The following AGK variants were observed in gnomAD, a reference collection of about 807,000 sequenced individuals.
AGK encodes acylglycerol kinase.
Under a neutral mutation model 66.4 loss-of-function variants are expected in AGK, and 52 were observed. That is an observed-to-expected ratio of 0.78 (90% CI 0.63 to 0.99). AGK has a LOEUF of 0.99. Ranked by LOEUF, AGK falls within the 50% of genes least tolerant of loss-of-function variation. The pLI is 0.00. For synonymous variants in AGK, 182 were observed against 181.1 expected (o/e 1.00, Z -0.04); for missense variants, 451 against 506.6 (o/e 0.89, Z 1.05).
chr7:141,593,288 G>T (rs757672494), intron 3 of AGK, 103 bp downstream of exon 3: 1 of 1,051,820 alleles, frequency 9.5e-7, no homozygotes, highest in Admixed American at 1.8e-5. Flanking sequence ...CATCTGTGCA[G>T]TCTGGCTATT....
At position 141,631,891 on chromosome 7, in the gene AGK, T is replaced by C. The variant is rs539949901; in HGVS notation, c.589-2010T>C. On this transcript the variant is annotated intron_variant, in intron 9 of 15. Coordinates refer to ENST00000649286, the MANE Select transcript of AGK (RefSeq NM_018238.4). The stretch of plus-strand genomic sequence containing the variant: ...ATTTCTCATGTACTTCAGGTCTCTG[T>C]TCAAATGTTAGTGCATCATTGATAT... Among the ~76,000 whole-genome samples, 393 of 152,276 alleles carry C rather than the reference T, an allele frequency of 2.6e-3. 2 individuals are homozygous for C. Among genetic ancestry groups the C allele is most frequent in the South Asian group, 0.012 (58 of 4,824 alleles).
At chr7:141,599,698 A>G (rs1796302412) in intron 4 of AGK, among the ~76,000 whole-genome samples, 1 of 152,196 alleles carries the variant, frequency 6.6e-6, no homozygotes, top group Non-Finnish European at 1.5e-5. Context: ...CAACCCTGGA[A>G]GGAGAATTGT....
At chr7:141,589,026 C>CGCCCT (rs1469694431) in intron 2 of AGK, among the ~76,000 whole-genome samples, 1 of 152,046 alleles carries the variant, frequency 6.6e-6, no homozygotes, top group African/African-American at 2.4e-5. Context: ...TATCATATGC[C>CGCCCT]GCCCTCCTAT....
At chr7:141,633,194 A>G (rs898289494) in intron 9 of AGK, among the ~76,000 whole-genome samples, 1 of 152,158 alleles carries the variant, frequency 6.6e-6, no homozygotes, top group South Asian at 2.1e-4. Flanking sequence ...TAGACTTTAG[A>G]TGAAATTCTG....
rs1268609448 is a variant in AGK at position 141,653,716 on chromosome 7, G to A, written c.*792G>A. Reference sequence around the variant, plus strand: ...AAAGCAGTAGTCCACAAAGTATTCTGCTCATGTGCCCCCAAAAGTATTTTG... The same window carrying A: ...AAAGCAGTAGTCCACAAAGTATTCTACTCATGTGCCCCCAAAAGTATTTTG... On this transcript the variant is annotated 3_prime_UTR_variant, in exon 16 of 16. Coordinates refer to ENST00000649286, the MANE Select transcript of AGK (RefSeq NM_018238.4). 6.6e-6 allele frequency: 1 copy of A among 152,100 alleles called. No homozygotes were observed. 9.4% of individuals were successfully genotyped at this position (152,100 alleles called of 1,614,324 possible).
At chr7:141,609,192 G>A (rs1232736151) in intron 5 of AGK, among the ~76,000 whole-genome samples, 1 of 152,090 alleles carries the variant, frequency 6.6e-6, no homozygotes, top group African/African-American at 2.4e-5. Flanking sequence ...TCTTGCACTA[G>A]TTGGATGTCC....
intron 11 of AGK, 52 bp from the exon 12 acceptor site, chr7:141,641,196 C>T (rs1300101547): frequency 6.5e-7 from 1 of 1,544,536 alleles, no homozygotes; most frequent in East Asian, 2.3e-5. Context: ...GAGAAACTCC[C>T]AGAGTGGAAT....
intron 1 of AGK, among the ~76,000 whole-genome samples, chr7:141,551,761 A>T (rs918453006): frequency 3.9e-5 from 6 of 152,168 alleles, no homozygotes; most frequent in Non-Finnish European, 8.8e-5. Flanking sequence ...CTTGGGCTTC[A>T]GCATAGCCCT....
At chr7:141,567,049 A>G (rs1325075368) in intron 2 of AGK, among the ~76,000 whole-genome samples, 1 of 152,094 alleles carries the variant, frequency 6.6e-6, no homozygotes, top group African/African-American at 2.4e-5. Flanking sequence ...AATTAAAGGG[A>G]TACTTTTCAT....
intron 2 of AGK, among the ~76,000 whole-genome samples, chr7:141,556,718 A>G (rs1342227054): frequency 6.6e-6 from 1 of 152,158 alleles, no homozygotes; most frequent in Non-Finnish European, 1.5e-5. Context: ...ATTTCTTACT[A>G]TAGTCTCTTG....
chr7:141,577,175 C>T (rs544224906), intron 2 of AGK, among the ~76,000 whole-genome samples: 6 of 152,186 alleles, frequency 3.9e-5, no homozygotes, highest in South Asian at 2.1e-4. Flanking sequence ...GGAAGAGTAG[C>T]GGTGAGAGGG....
At position 141,611,270 on chromosome 7, in the gene AGK, G is replaced by C. The variant is rs772533888; in HGVS notation, c.373G>C (p.Asp125His). 12 of 1,612,768 alleles carry C rather than the reference G, an allele frequency of 7.4e-6. No homozygotes were observed. The Admixed American group carries it at 1.8e-4, about 25-fold the overall frequency. The change falls in exon 6 of 16, where the codon GAT (aspartate) becomes CAT (histidine). Residue 125 changes from aspartate to histidine, a missense_variant. By Grantham distance (81) the Asp-to-His change is moderately conservative. Coordinates refer to ENST00000649286, the MANE Select transcript of AGK (RefSeq NM_018238.4). ...GGATGTGATCATTGTTGCAGGAGGAGATGGGACACTGCAGGAGGTATGACT... is the reference window on the plus strand; with the variant it reads ...GGATGTGATCATTGTTGCAGGAGGACATGGGACACTGCAGGAGGTATGACT... ...NTDVIIVAGG[D>H]GTLQEVVTGV...
At chr7:141,594,915 T>G in intron 3 of AGK, among the ~76,000 whole-genome samples, 1 of 152,194 alleles carries the variant, frequency 6.6e-6, no homozygotes, top group East Asian at 1.9e-4. Context: ...CCTCCCAAAG[T>G]GCTGCAATTA....
chr7:141,636,479 C>T (rs62486721), intron 10 of AGK, among the ~76,000 whole-genome samples: 3 of 152,024 alleles, frequency 2.0e-5, no homozygotes, highest in Admixed American at 6.6e-5. Context: ...GTGTTGAATC[C>T]GTGCAAATAA....
intron 2 of AGK, among the ~76,000 whole-genome samples, chr7:141,577,813 ATCT>A (rs1276867162): frequency 2.1e-4 from 30 of 145,112 alleles, no homozygotes; most frequent in East Asian, 1.4e-3. Flanking sequence ...CCCAACATAA[ATCT>A]TCTTTTTTTT....
chr7:141,616,820 G>A (rs1460177115), intron 8 of AGK, among the ~76,000 whole-genome samples: 7 of 149,346 alleles, frequency 4.7e-5, no homozygotes, highest in Middle Eastern at 3.2e-3. Flanking sequence ...GTGCAGTGGC[G>A]CGAACTCGGC....
intron 2 of AGK, among the ~76,000 whole-genome samples, chr7:141,572,468 CCA>C (rs1489157038): frequency 6.6e-6 from 1 of 152,148 alleles, no homozygotes; most frequent in Admixed American, 6.5e-5. Context: ...AGTTACTTAA[CCA>C]CCTGAACCTC....
intron 1 of AGK, among the ~76,000 whole-genome samples, chr7:141,553,310 C>T (rs145574622): frequency 1.3e-3 from 196 of 152,284 alleles, no homozygotes; most frequent in Non-Finnish European, 2.6e-3. Context: ...TTCCACATCA[C>T]CATTTTTGGG....
chr7:141,587,256 C>T (rs1282369089), intron 2 of AGK, among the ~76,000 whole-genome samples: 1 of 152,176 alleles, frequency 6.6e-6, no homozygotes, highest in African/African-American at 2.4e-5. Flanking sequence ...TCTGTGTCCC[C>T]TCTGCCACCA....
Sources: allele counts gnomAD v4.1 joint callset (sites outside exome capture counted in the v4.1 genomes callset), GRCh38; gene constraint gnomAD v4.1.1; transcripts MANE v1.5; gene names NCBI Gene and HGNC (gene_info 2026-07-23, HGNC 2026-07-21).